Variants in DLGAP2 observed in about 807,000 individuals in gnomAD.
The protein encoded by DLGAP2 is disks large-associated protein 2.
Under a neutral mutation model 100.3 loss-of-function variants are expected in DLGAP2, and 26 were observed. The ratio of observed to expected loss-of-function variants is 0.26; its 90% CI spans 0.19 to 0.36. The LOEUF (loss-of-function observed/expected upper bound fraction) is 0.36. Among genes scored for constraint, DLGAP2 ranks in the 10% least tolerant of loss-of-function variants. The pLI is 1.00. For missense variants in DLGAP2, 1,858 were observed against 1,453.2 expected (o/e 1.28, Z -4.53); for synonymous variants, 886 against 630.1 (o/e 1.41, Z -6.08).
At chr8:861,138 A>G (rs1469122510) in intron 1 of DLGAP2, among the ~76,000 whole-genome samples, 3 of 152,024 alleles carry the variant, frequency 2.0e-5, no homozygotes, top group Non-Finnish European at 4.4e-5. Flanking sequence ...AATCTGGGAA[A>G]ATGAATGATT....
At chr8:913,359 A>G (rs1798527651) in intron 2 of DLGAP2, among the ~76,000 whole-genome samples, 1 of 152,196 alleles carries the variant, frequency 6.6e-6, no homozygotes, top group Non-Finnish European at 1.5e-5. Flanking sequence ...TAATTTCATG[A>G]TGGACAAATA....
intron 6 of DLGAP2, among the ~76,000 whole-genome samples, chr8:1,577,243 T>C (rs952586850): frequency 6.6e-6 from 1 of 152,192 alleles, no homozygotes; most frequent in Admixed American, 6.5e-5. Context: ...TTTAACCCCG[T>C]AAATACACAT....
intron 2 of DLGAP2, among the ~76,000 whole-genome samples, chr8:1,053,634 C>T (rs562647282): frequency 3.3e-5 from 5 of 152,162 alleles, no homozygotes; most frequent in East Asian, 1.9e-4. Flanking sequence ...GGATGTGTAC[C>T]GTGTTTGGAG....
intron 2 of DLGAP2, among the ~76,000 whole-genome samples, chr8:1,012,257 C>T (rs1801311241): frequency 6.6e-6 from 1 of 152,226 alleles, no homozygotes; most frequent in African/African-American, 2.4e-5. Context: ...CTTAAATCCC[C>T]ATCCCTTCGC....
chr8:1,610,204 C>T (rs993515790), intron 6 of DLGAP2, among the ~76,000 whole-genome samples: 30 of 152,296 alleles, frequency 2.0e-4, no homozygotes, highest in African/African-American at 6.7e-4. Flanking sequence ...GACCACAGTG[C>T]AATGAAACTA....
chr8:786,212 T>A (rs1435224200), intron 1 of DLGAP2, among the ~76,000 whole-genome samples: 1 of 152,092 alleles, frequency 6.6e-6, no homozygotes, highest in East Asian at 1.9e-4. Context: ...GCTCATCAGT[T>A]TCCTCAGTAG....
intron 1 of DLGAP2, among the ~76,000 whole-genome samples, chr8:795,425 G>A (rs548019290): frequency 6.6e-6 from 1 of 152,290 alleles, no homozygotes; most frequent in East Asian, 1.9e-4. Flanking sequence ...CAGCACCTCA[G>A]CACCAAGCTT....
intron 5 of DLGAP2, among the ~76,000 whole-genome samples, chr8:1,550,910 G>A (rs185442355): frequency 6.6e-6 from 1 of 152,364 alleles, no homozygotes; most frequent in East Asian, 1.9e-4. Context: ...AGCAGCGGCT[G>A]TGGGCCTCGC....
chr8:1,674,579 G>T (rs1393216483), intron 10 of DLGAP2, among the ~76,000 whole-genome samples: 1 of 152,124 alleles, frequency 6.6e-6, no homozygotes, highest in Non-Finnish European at 1.5e-5. Flanking sequence ...AAAAACGAGT[G>T]TTCCTTTTAC....
chr8:946,625 C>A (rs926596631), intron 2 of DLGAP2, among the ~76,000 whole-genome samples: 2 of 152,148 alleles, frequency 1.3e-5, no homozygotes, highest in African/African-American at 4.8e-5. Context: ...GGGGTTCTTT[C>A]TGTTTTTATT....
chr8:795,580 G>C (rs1194693199), intron 1 of DLGAP2, among the ~76,000 whole-genome samples: 1 of 151,552 alleles, frequency 6.6e-6, no homozygotes, highest in Admixed American at 6.6e-5. Context: ...GTGGAAAATT[G>C]TGCATCGGAG....
chr8:1,009,403 A>C (rs1801212597), intron 2 of DLGAP2, among the ~76,000 whole-genome samples: 1 of 152,222 alleles, frequency 6.6e-6, no homozygotes, highest in Non-Finnish European at 1.5e-5. Flanking sequence ...GATTTTTGGA[A>C]GGAGATTCTA....
chr8:1,139,891 C>T (rs10090316), intron 2 of DLGAP2, among the ~76,000 whole-genome samples: 6 of 151,974 alleles, frequency 3.9e-5, no homozygotes, highest in Admixed American at 1.3e-4. Context: ...TGAGGGAAAT[C>T]GGGGGGAAGT....
At chr8:1,183,085 G>A (rs1270945651) in intron 2 of DLGAP2, among the ~76,000 whole-genome samples, 7 of 152,140 alleles carry the variant, frequency 4.6e-5, no homozygotes, top group African/African-American at 1.7e-4. Context: ...GTAAGAGCTG[G>A]GATGACACAA....
At chr8:1,515,897 A>G (rs1375326036) in intron 4 of DLGAP2, among the ~76,000 whole-genome samples, 1 of 152,204 alleles carries the variant, frequency 6.6e-6, no homozygotes, top group Non-Finnish European at 1.5e-5. Flanking sequence ...GGATGGGCTT[A>G]TTACAATGTG....
At chr8:1,185,417 C>G (rs1481423071) in intron 2 of DLGAP2, among the ~76,000 whole-genome samples, 1 of 152,026 alleles carries the variant, frequency 6.6e-6, no homozygotes, top group Non-Finnish European at 1.5e-5. Context: ...TAAGGCCGGT[C>G]AGCTTTGCCT....
rs566836661 is a variant in DLGAP2, at chr8:1,319,318, C to G, written c.106+60435C>G. On this transcript the variant is annotated intron_variant, in intron 3 of 14. Coordinates refer to ENST00000637795, the MANE Select transcript of DLGAP2 (RefSeq NM_001346810.2). Reference sequence around the variant, plus strand: ...AAAATGAATCCCCTGAAACCTGAGACCAACCTTCTCTGACTCAAATCCCAG... The same window carrying G: ...AAAATGAATCCCCTGAAACCTGAGAGCAACCTTCTCTGACTCAAATCCCAG... Among the ~76,000 whole-genome samples, 4 of 152,318 alleles carry G rather than the reference C, an allele frequency of 2.6e-5. No individual in the cohort carries two copies. The East Asian group carries it at 7.7e-4, about 29-fold the overall frequency.
In DLGAP2 at chr8:1,240,050, A is replaced by G. The variant is rs1385414616; in HGVS notation, c.74-18801A>G. On this transcript the variant is annotated intron_variant, in intron 2 of 14. Transcript: ENST00000637795. ...ATGGCGCCGTGTCTAGTTCTCTCAC[A>G]TGGCGCCGTGTCTAGTTATCTCACA... is the stretch of plus-strand genomic sequence containing the variant. Among the ~76,000 whole-genome samples the G allele has an allele frequency of 1.0e-4, 15 of 150,628 alleles. No homozygotes were observed. The East Asian group carries it at 2.4e-3, about 25-fold the overall frequency.
At chr8:1,321,069 A>T (rs758381624) in intron 3 of DLGAP2, among the ~76,000 whole-genome samples, 1 of 149,026 alleles carries the variant, frequency 6.7e-6, no homozygotes, top group Non-Finnish European at 1.5e-5. Context: ...GTGCACATGC[A>T]TCTGTGTGCC....
Sources: gnomAD v4.1 joint callset for allele counts (sites outside exome capture counted in the v4.1 genomes callset) on GRCh38, gnomAD v4.1.1 for gene constraint, MANE v1.5 for transcripts, NCBI Gene and HGNC (gene_info 2026-07-23, HGNC 2026-07-21) for gene names.